Variants in SPTB observed in about 807,000 individuals in gnomAD.
The protein encoded by SPTB is spectrin beta, erythrocytic.
Under a neutral mutation model 256.2 loss-of-function variants are expected in SPTB, and 45 were observed. The observed-to-expected ratio is 0.18, with a 90% CI of 0.14 to 0.23. The LOEUF (loss-of-function observed/expected upper bound fraction) is 0.23, where lower values mean the gene tolerates loss of function less well. SPTB is among the 10% of genes least tolerant of loss of function. The pLI, the probability that SPTB is intolerant of heterozygous loss-of-function variation, is 1.00. For synonymous variants in SPTB, 1,231 were observed against 1,243.1 expected, an observed-to-expected ratio of 0.99 and a Z score of 0.21; for missense variants, 2,715 against 3,040.4, an observed-to-expected ratio of 0.89 and a Z score of 2.52.
In SPTB at chr14:64,792,903, C is replaced by A. The variant is rs28441086; in HGVS notation, c.2666+94G>T. On this transcript the variant is annotated intron_variant, in intron 14 of 35. Coordinates refer to ENST00000644917, the MANE Select transcript of SPTB (RefSeq NM_001355436.2). This position sits in a 1 kb window ranked among gnomAD's most constrained non-coding sequence, Gnocchi z 4.2. ...GACATCCCAGGGCCTCTCAAAGAGA[C>A]CTTTGCTGATCCAGAGACTATTACC... The A allele has an allele frequency of 0.038, 59,747 of 1,567,530 alleles. 1,493 individuals are homozygous for A. Among genetic ancestry groups the A allele is most frequent in the South Asian group, 0.095 (8,359 of 87,978 alleles).
In SPTB at chr14:64,771,066, C is replaced by T. The variant is rs1306312978; in HGVS notation, c.5617G>A (p.Ala1873Thr). 1 of 1,614,162 alleles carries T rather than the reference C, an allele frequency of 6.2e-7. No individual in the cohort carries two copies. Among genetic ancestry groups the T allele is most frequent in the African/African-American group, 1.3e-5 (1 of 75,074 alleles). Residue 1873 changes from alanine (A) to threonine (T), a missense_variant, in exon 27 of 36, where the codon GCC (alanine) becomes ACC (threonine). Physicochemically the swap from Ala to Thr is moderately conservative, Grantham distance 58 (BLOSUM62 0). Around this residue, in one of 4 missense-constraint regions of SPTB, gnomAD observed 2,239 missense variants for 2,384.4 expected, o/e 0.94. Transcript: ENST00000644917. ...ACCTCCTGCTCCTTGTTCTGGATGGCCTCTGCCTTCTCCCCAGCATATGCT... is the reference window on the plus strand; with the variant it reads ...ACCTCCTGCTCCTTGTTCTGGATGGTCTCTGCCTTCTCCCCAGCATATGCT... ...QTAYAGEKAE[A>T]IQNKEQEVSA...
chr14:64,794,523 T>C lies in SPTB; in HGVS notation c.1739A>G (p.Gln580Arg), dbSNP rs2139599259. 6.2e-7 allele frequency: 1 copy of C among 1,614,152 alleles called. No individual in the cohort carries two copies. Among genetic ancestry groups the C allele is most frequent in the East Asian group, 2.2e-5 (1 of 44,876 alleles). Residue 580 changes from glutamine to arginine, a missense_variant, in exon 13 of 36, where the codon CAA (glutamine) becomes CGA (arginine). Coordinates refer to ENST00000644917, the MANE Select transcript of SPTB (RefSeq NM_001355436.2). The stretch of plus-strand genomic sequence containing the variant: ...GGTGATGGCCTTCACTTTGTCCCCT[T>C]GGATGGCGATGTCAGCTTCCATCAA... ...HKLMEADIAI[Q>R]GDKVKAITAA...
chr14:64,865,357 T>G (rs1453229530), intron 1 of SPTB, among the ~76,000 whole-genome samples: 2 of 151,730 alleles, frequency 1.3e-5, no homozygotes, highest in Middle Eastern at 3.2e-3. Flanking sequence ...CACTCTACGC[T>G]GGTAGAAGCA....
intron 1 of SPTB, among the ~76,000 whole-genome samples, chr14:64,834,702 G>A (rs2083496107): frequency 6.6e-6 from 1 of 152,132 alleles, no homozygotes; most frequent in Non-Finnish European, 1.5e-5. Flanking sequence ...TGGGATTACA[G>A]GCATGAGCCA....
rs1161709794 is a variant in SPTB, at chr14:64,793,129, T to C, written c.2534A>G (p.Gln845Arg). 6.2e-7 allele frequency: 1 copy of C among 1,614,140 alleles called. No individual in the cohort carries two copies. The highest frequency in any genetic ancestry group is 2.2e-5 in the East Asian group (1 of 44,888). ...CACCGTGTACAGGTCCAGGGCTTCCTGCAGCCTCTGCTGACGCAGGTCCGC... is the reference window on the plus strand; with the variant it reads ...CACCGTGTACAGGTCCAGGGCTTCCCGCAGCCTCTGCTGACGCAGGTCCGC... ...AQADLRQQRLQEALDLYTVFG... is the reference protein window; with the variant it reads ...AQADLRQQRLREALDLYTVFG... The change falls in exon 14 of 36, where the codon CAG becomes CGG. Residue 845 changes from glutamine to arginine, a missense_variant. Gln to Arg is a conservative substitution (Grantham distance 43). Around this residue, in one of 4 missense-constraint regions of SPTB, gnomAD observed 2,239 missense variants for 2,384.4 expected, o/e 0.94. Coordinates refer to ENST00000644917, the MANE Select transcript of SPTB (RefSeq NM_001355436.2). This position sits in a 1 kb window ranked among gnomAD's most constrained non-coding sequence, Gnocchi z 7.0.
intron 15 of SPTB, among the ~76,000 whole-genome samples, chr14:64,788,128 G>C (rs1217463445): frequency 6.6e-6 from 1 of 152,204 alleles, no homozygotes; most frequent in Non-Finnish European, 1.5e-5. Flanking sequence ...AACAGGCAGA[G>C]AGGAGGATTA....
At chr14:64,753,493 A>C in intron 33 of SPTB, 44 bp downstream of exon 33, 1 of 1,611,862 alleles carries the variant, frequency 6.2e-7, no homozygotes, top group Non-Finnish European at 8.5e-7. Context: ...GATCCCTGAG[A>C]GCTGCCCAAC....
intron 33 of SPTB, among the ~76,000 whole-genome samples, chr14:64,751,319 C>T (rs1310857893): frequency 6.6e-6 from 1 of 151,936 alleles, no homozygotes; most frequent in Non-Finnish European, 1.5e-5. Flanking sequence ...AGGGTTTCAC[C>T]ACGTTGGCCA....
rs2083712278 is a variant in SPTB, at chr14:64,847,524, C to G, written c.-51-24379G>C. ...CAGGTTGGTGCTAGCTCCTTTCAAG[C>G]TACATTGGCTTTGGATCAGAACGTC... On this transcript the variant is annotated intron_variant, in intron 1 of 35. Transcript: ENST00000644917. This position sits in a 1 kb window ranked among gnomAD's most constrained non-coding sequence, Gnocchi z 5.9. 6.6e-6 allele frequency among the ~76,000 whole-genome samples: 1 copy of G among 152,070 alleles called. No homozygotes were observed. The highest frequency in any genetic ancestry group is 6.6e-5 in the Admixed American group (1 of 15,266).
rs1324678460 is a variant in SPTB at position 64,825,343 on chromosome 14, T to C, written c.-51-2198A>G. Among the ~76,000 whole-genome samples, 1 of 152,218 alleles carries C rather than the reference T, an allele frequency of 6.6e-6. No homozygotes were observed. Among genetic ancestry groups the C allele is most frequent in the Non-Finnish European group, 1.5e-5 (1 of 68,028 alleles). ...GCCAGACCTGTGCCCAAGACCACCC[T>C]TGTGCCTTTGAACAGCCTGTCCTCT... On this transcript the variant is annotated intron_variant, in intron 1 of 35. Transcript: ENST00000644917. The surrounding 1 kb of genome is among the most constrained non-coding windows in gnomAD (Gnocchi z 4.8).
At position 64,852,926 on chromosome 14, in the gene SPTB, T is replaced by C. The variant is rs1275800293; in HGVS notation, c.-52+26866A>G. ...GCCAGTGAATTATTACAAATAATTA[T>C]AATTTACACATTGCAGAGTGCTGCC... is the stretch of plus-strand genomic sequence containing the variant. On this transcript the variant is annotated intron_variant, in intron 1 of 35. Coordinates refer to ENST00000644917, the MANE Select transcript of SPTB (RefSeq NM_001355436.2). The surrounding 1 kb of genome is among the most constrained non-coding windows in gnomAD (Gnocchi z 4.2). Among the ~76,000 whole-genome samples, 1 of 152,190 alleles carries C rather than the reference T, an allele frequency of 6.6e-6. No homozygotes were observed. Among genetic ancestry groups the C allele is most frequent in the Non-Finnish European group, 1.5e-5 (1 of 68,040 alleles).
At chr14:64,783,290 GC>G (rs1473931113) in intron 19 of SPTB, among the ~76,000 whole-genome samples, 1 of 151,550 alleles carries the variant, frequency 6.6e-6, no homozygotes, top group African/African-American at 2.4e-5. Context: ...TGCAACCTCC[GC>G]CCCCCAGTTT....
chr14:64,773,237 C>A lies in SPTB; in HGVS notation c.5161G>T (p.Asp1721Tyr), dbSNP rs1487638521. Residue 1721 changes from aspartate (D) to tyrosine (Y), a missense_variant, in exon 25 of 36, where the codon GAC (aspartate) becomes TAC (tyrosine). By Grantham distance (160) the Asp-to-Tyr change is radical (BLOSUM62 -3). Coordinates refer to ENST00000644917, the MANE Select transcript of SPTB (RefSeq NM_001355436.2). ...CTACTCACAGTCACGTGGTCAAAGT[C>A]TTGCCCCATTTCCGGGGAAGAGGCC... ...LVASSPEMGQ[D>Y]FDHVTLLRDK... is the part of the protein sequence containing the mutation. 2 of 1,614,256 alleles carry A rather than the reference C, an allele frequency of 1.2e-6. No individual in the cohort carries two copies. Among genetic ancestry groups the A allele is most frequent in the East Asian group, 4.5e-5 (2 of 44,880 alleles).
At chr14:64,831,154 TCCACCAACCTCACTGCCACTTCCTCC>T (rs1438537034) in intron 1 of SPTB, among the ~76,000 whole-genome samples, 3 of 151,976 alleles carry the variant, frequency 2.0e-5, no homozygotes, top group South Asian at 2.1e-4. Context: ...TCACTTCCTC[TCCACCAACCTCACTGCCACTTCCTCC>T]CCACCAACCT....
chr14:64,773,054 G>C (rs747858), intron 25 of SPTB, 100 bp from the exon 26 acceptor site: 1 of 1,559,906 alleles, frequency 6.4e-7, no homozygotes, highest in Non-Finnish European at 8.7e-7. Context: ...CTGCAGCTCC[G>C]GGAGCTGCGC....
At position 64,794,507 on chromosome 14, in the gene SPTB, C is replaced by T. The variant is rs975532538; in HGVS notation, c.1755G>A (p.Lys585=). 3 of 1,614,188 alleles carry T rather than the reference C, an allele frequency of 1.9e-6. No individual in the cohort carries two copies. The highest frequency in any genetic ancestry group is 2.5e-6 in the Non-Finnish European group (3 of 1,180,044). The change falls in exon 13 of 36, where the codon AAG becomes AAA. Residue 585 remains lysine, a synonymous_variant. Coordinates refer to ENST00000644917, the MANE Select transcript of SPTB (RefSeq NM_001355436.2). ...ADIAIQGDKV[K]AITAATLKFT... is the part of the protein sequence containing the mutation. ...ACTTCAGGGTGGCTGCGGTGATGGC[C>T]TTCACTTTGTCCCCTTGGATGGCGA...
rs1235811652 is a variant in SPTB at position 64,786,725 on chromosome 14, G to A, written c.3240C>T (p.Thr1080=). ...LDDFQAWLSI[T]QKAVASEDMP... is the part of the protein sequence containing the mutation. ...TGTCCTCAGAGGCCACAGCCTTCTG[G>A]GTGATGGAGAGCCAGGCCTGGAAGT... is the stretch of plus-strand genomic sequence containing the variant. The change falls in exon 16 of 36, where the codon ACC becomes ACT. Residue 1080 remains threonine (T), a synonymous_variant. Transcript: ENST00000644917. This position sits in a 1 kb window ranked among gnomAD's most constrained non-coding sequence, Gnocchi z 5.6. 6.2e-7 allele frequency: 1 copy of A among 1,614,142 alleles called. No individual in the cohort carries two copies.
chr14:64,777,260 G>T lies in SPTB; in HGVS notation c.4564-1857C>A, dbSNP rs1486915703. Among the ~76,000 whole-genome samples the T allele has an allele frequency of 1.3e-5, 2 of 152,352 alleles. No homozygotes were observed. The highest frequency in any genetic ancestry group is 4.8e-5 in the African/African-American group (2 of 41,578). The stretch of plus-strand genomic sequence containing the variant: ...TGAGGCCACAGAGAGGGCCAGAAGA[G>T]CTGGAATACTGTGAAGGAGGGCAAA... On this transcript the variant is annotated intron_variant, in intron 22 of 35. Coordinates refer to ENST00000644917, the MANE Select transcript of SPTB (RefSeq NM_001355436.2). This position sits in a 1 kb window ranked among gnomAD's most constrained non-coding sequence, Gnocchi z 4.5.
At chr14:64,787,603 C>T (rs1056398273) in intron 15 of SPTB, among the ~76,000 whole-genome samples, 10 of 152,170 alleles carry the variant, frequency 6.6e-5, no homozygotes, top group African/African-American at 9.7e-5. Flanking sequence ...CCACATGCAA[C>T]GTCTCCTAGG....
Sources: gnomAD v4.1 joint callset for allele counts (sites outside exome capture counted in the v4.1 genomes callset) on GRCh38, gnomAD v4.1.1 for gene constraint, gnomAD v4.1.1 regional missense constraint, Gnocchi (gnomAD v3.1) non-coding constraint, MANE v1.5 for transcripts, NCBI Gene and HGNC (gene_info 2026-07-23, HGNC 2026-07-21) for gene names.